Variants in DGCR6L observed in about 807,000 individuals in gnomAD.
DGCR6L encodes DiGeorge syndrome critical region gene 6 like.
DGCR6L carries 24 observed loss-of-function variants against 31.1 expected under a neutral mutation model. The observed-to-expected ratio is 0.77, with a 90% CI of 0.56 to 1.08. DGCR6L has a LOEUF of 1.08. Among genes scored for constraint, DGCR6L ranks in the 50% least tolerant of loss-of-function variants. The probability of loss-of-function intolerance (pLI) is 0.00; values close to 1 mark genes in which losing one functional copy is unlikely to be tolerated. For missense variants in DGCR6L, 218 were observed against 287.1 expected (o/e 0.76, Z 1.74); for synonymous variants, 104 against 126.1 (o/e 0.82, Z 1.17).
At chr22:20,319,577 A>G (rs2051592868) in intron 2 of DGCR6L, 62 bp downstream of exon 2, 1 of 1,583,764 alleles carries the variant, frequency 6.3e-7, no homozygotes, top group Non-Finnish European at 8.6e-7. Context: ...CACAGATACC[A>G]AGAGCTGCCC....
At chr22:20,319,849 C>A in intron 1 of DGCR6L, 30 bp downstream of exon 1, 1 of 1,592,022 alleles carries the variant, frequency 6.3e-7, no homozygotes, top group East Asian at 2.3e-5. Flanking sequence ...AAGCCGCCTC[C>A]GCAGGCCTCC....
chr22:20,317,896 G>A (rs1362635317), intron 2 of DGCR6L, among the ~76,000 whole-genome samples: 1 of 152,232 alleles, frequency 6.6e-6, no homozygotes, highest in Non-Finnish European at 1.5e-5. Context: ...TTTAGGGGAA[G>A]AAGTAATGCC....
In DGCR6L at chr22:20,316,168, C is replaced by T. The variant is rs747271503; in HGVS notation, c.323G>A (p.Arg108Gln). 2.0e-5 allele frequency: 33 copies of T among 1,610,404 alleles called. No individual in the cohort carries two copies. Among genetic ancestry groups the T allele is most frequent in the East Asian group, 1.6e-4 (7 of 44,810 alleles). ...CTGAACCACAGGCAGGTTGTGGGGC[C>T]GGCAGGCCTGCTGGGCTTCCTGGTG... ...QKHQEAQQAC[R>Q]PHNLPVVQAA... Residue 108 changes from arginine (R) to glutamine (Q), a missense_variant, in exon 3 of 5, where the codon CGG becomes CAG. Arg to Gln is a conservative substitution (Grantham distance 43). Transcript: ENST00000248879.
chr22:20,315,277 C>G (rs1376903901), intron 4 of DGCR6L, 59 bp downstream of exon 4: 7 of 1,567,058 alleles, frequency 4.5e-6, no homozygotes, highest in East Asian at 2.4e-5. Flanking sequence ...CAGTAAAACC[C>G]CAGATGGAAT....
Position 20,315,331 on chromosome 22 carries a change from C to T in DGCR6L, c.513+5G>A. On this transcript the variant is annotated splice_donor_5th_base_variant and intron_variant, in intron 4 of 4. Coordinates refer to ENST00000248879, the MANE Select transcript of DGCR6L (RefSeq NM_033257.4). ...GGCTAGGGCAGAGCAGGCCCAGGCA[C>T]TGACCTGTGGGTTGGTGGTCACGTA... is the stretch of plus-strand genomic sequence containing the variant. The T allele has an allele frequency of 6.2e-7, 1 of 1,612,054 alleles. No homozygotes were observed. Among genetic ancestry groups the T allele is most frequent in the South Asian group, 1.1e-5 (1 of 90,774 alleles).
intron 3 of DGCR6L, 142 bp downstream of exon 3, chr22:20,315,977 A>G (rs1409213023): frequency 1.1e-5 from 11 of 1,019,392 alleles, no homozygotes; most frequent in Non-Finnish European, 1.5e-5. Flanking sequence ...GGTGGGACTC[A>G]CTAGGCCTCC....
At position 20,319,773 on chromosome 22, in the gene DGCR6L, G is replaced by A. The variant is rs779074289; in HGVS notation, c.137C>T (p.Thr46Ile). Residue 46 changes from threonine to isoleucine, a missense_variant, in exon 2 of 5, where the codon ACC becomes ATC. Physicochemically the swap from Thr to Ile is moderately conservative, Grantham distance 89. Coordinates refer to ENST00000248879, the MANE Select transcript of DGCR6L (RefSeq NM_033257.4). ...CGCCAGGGCCAGGTCGCTGAGCGTG[G>A]TGTAGGACAGGCGCTGCTGGAAAGA... Reference protein sequence around the residue: ...PSSFQQRLSYTTLSDLALALL... With the variant: ...PSSFQQRLSYITLSDLALALL... The A allele has an allele frequency of 2.5e-6, 4 of 1,612,336 alleles. No homozygotes were observed. Among genetic ancestry groups the A allele is most frequent in the Non-Finnish European group, 3.4e-6 (4 of 1,179,350 alleles).
intron 2 of DGCR6L, among the ~76,000 whole-genome samples, chr22:20,317,557 C>G (rs545880055): frequency 1.3e-5 from 2 of 152,402 alleles, no homozygotes; most frequent in South Asian, 4.1e-4. Context: ...CCCAAACCTT[C>G]TGAAGCACAA....
chr22:20,315,077 G>A, intron 4 of DGCR6L: 2 of 1,193,822 alleles, frequency 1.7e-6, no homozygotes, highest in Non-Finnish European at 2.4e-6. Flanking sequence ...GCATGCGGGA[G>A]GGGAGCAGAA....
chr22:20,315,038 C>T lies in DGCR6L; in HGVS notation c.514-214G>A, dbSNP rs780093138. 4 of 1,279,258 alleles carry T rather than the reference C, an allele frequency of 3.1e-6. No individual in the cohort carries two copies. The South Asian group carries it at 5.1e-5, about 16-fold the overall frequency. 79.2% of individuals were successfully genotyped at this position (1,279,258 alleles called of 1,614,324 possible). On this transcript the variant is annotated intron_variant, in intron 4 of 4. Transcript: ENST00000248879. ...CAGCAGGGCCACTCGGAATCTGAGC[C>T]TCTGCCCCCAGCAGGGCCACTCGGA...
At chr22:20,315,621 AC>A (rs2051565875) in intron 3 of DGCR6L, 145 bp from the exon 4 acceptor site, 20 of 1,326,988 alleles carry the variant, frequency 1.5e-5, no homozygotes, top group Non-Finnish European at 2.0e-5. Flanking sequence ...TCCTCACCAC[AC>A]CCAGGCCTCT....
chr22:20,319,821 G>A lies in DGCR6L; in HGVS notation c.111-22C>T, dbSNP rs765442903. On this transcript the variant is annotated intron_variant, in intron 1 of 4. Coordinates refer to ENST00000248879, the MANE Select transcript of DGCR6L (RefSeq NM_033257.4). ...AGAGCTGCGGGTAGGGGGGCGCGGTGAGCCCCGGCGGGAAACGAAGCCGCC... is the reference window on the plus strand; with the variant it reads ...AGAGCTGCGGGTAGGGGGGCGCGGTAAGCCCCGGCGGGAAACGAAGCCGCC... The A allele has an allele frequency of 1.9e-6, 3 of 1,601,442 alleles. No individual in the cohort carries two copies. The South Asian group carries it at 3.3e-5, about 18-fold the overall frequency.
chr22:20,315,582 G>T, intron 3 of DGCR6L, 106 bp from the exon 4 acceptor site: 2 of 1,482,792 alleles, frequency 1.3e-6, no homozygotes, highest in Non-Finnish European at 1.8e-6. Flanking sequence ...GCCGTCCCCA[G>T]TGGCAGCAGC....
At position 20,315,136 on chromosome 22, in the gene DGCR6L, T is replaced by C. The variant is rs1317517073; in HGVS notation, c.513+200A>G. ...GCCTGGAGAGGGTGGGCAGTGCCCATGGCTGGCTGGCTCACCCTCCTGTAG... is the reference window on the plus strand; with the variant it reads ...GCCTGGAGAGGGTGGGCAGTGCCCACGGCTGGCTGGCTCACCCTCCTGTAG... On this transcript the variant is annotated intron_variant, in intron 4 of 4. Coordinates refer to ENST00000248879, the MANE Select transcript of DGCR6L (RefSeq NM_033257.4). The C allele has an allele frequency of 3.1e-5, 42 of 1,354,980 alleles. No homozygotes were observed. The East Asian group carries it at 6.0e-4, about 19-fold the overall frequency. The allele number at this position is 1,354,980 out of a possible 1,614,324, so 83.9% of individuals were successfully genotyped here. A position where few individuals can be genotyped will look rare whatever the true frequency, so the allele number is the denominator to read the frequency against.
In DGCR6L at chr22:20,316,155, C is replaced by T. The variant is rs1008887364; in HGVS notation, c.336G>A (p.Leu112=). Residue 112 remains leucine (L), a synonymous_variant, in exon 3 of 5, where the codon CTG becomes CTA. Coordinates refer to ENST00000248879, the MANE Select transcript of DGCR6L (RefSeq NM_033257.4). The stretch of plus-strand genomic sequence containing the variant: ...GCTGCTGAGCCGCCTGAACCACAGG[C>T]AGGTTGTGGGGCCGGCAGGCCTGCT... ...EAQQACRPHN[L]PVVQAAQQRE... The T allele has an allele frequency of 2.5e-6, 4 of 1,611,060 alleles. No individual in the cohort carries two copies. In the African/African-American group the frequency reaches 5.3e-5, roughly 22 times the overall value.
intron 1 of DGCR6L, 33 bp from the exon 2 acceptor site, chr22:20,319,832 G>A: frequency 6.3e-7 from 1 of 1,598,800 alleles, no homozygotes; most frequent in Non-Finnish European, 8.5e-7. Flanking sequence ...AGCCCCGGCG[G>A]GAAACGAAGC....
Position 20,319,635 on chromosome 22 carries a change from G to A in DGCR6L, c.271+4C>T. ...CGGCACCTCATCCCGCTGCCCCCGC[G>A]CACCTCGGTGCTCGTTCTGTAGGCG... is the stretch of plus-strand genomic sequence containing the variant. On this transcript the variant is annotated splice_donor_region_variant and intron_variant, in intron 2 of 4. Coordinates refer to ENST00000248879, the MANE Select transcript of DGCR6L (RefSeq NM_033257.4). 4 of 1,610,638 alleles carry A rather than the reference G, an allele frequency of 2.5e-6. No individual in the cohort carries two copies. The highest frequency in any genetic ancestry group is 3.4e-6 in the Non-Finnish European group (4 of 1,179,496).
chr22:20,319,507 C>T, intron 2 of DGCR6L, 132 bp downstream of exon 2: 4 of 1,432,606 alleles, frequency 2.8e-6, no homozygotes, highest in Non-Finnish European at 2.8e-6. Flanking sequence ...TCTCTGCGCC[C>T]GTTGATTTTG....
chr22:20,315,574 C>T (rs1356593228), intron 3 of DGCR6L, 98 bp from the exon 4 acceptor site: 4 of 1,510,336 alleles, frequency 2.6e-6, no homozygotes, highest in East Asian at 4.7e-5. Flanking sequence ...CTCCTGCTGC[C>T]GTCCCCAGTG....
Sources: gnomAD v4.1 joint callset for allele counts (sites outside exome capture counted in the v4.1 genomes callset) on GRCh38, gnomAD v4.1.1 for gene constraint, MANE v1.5 for transcripts, NCBI Gene and HGNC (gene_info 2026-07-23, HGNC 2026-07-21) for gene names.